KIF13B: variants seen among roughly 807,000 people sequenced by gnomAD.
The protein encoded by KIF13B is kinesin-like protein KIF13B.
KIF13B carries 127 observed loss-of-function variants against 222.0 expected under a neutral mutation model. The ratio of observed to expected loss-of-function variants is 0.57; its 90% CI spans 0.50 to 0.66. The LOEUF (loss-of-function observed/expected upper bound fraction) is 0.66. Among genes scored for constraint, KIF13B ranks in the 30% least tolerant of loss-of-function variants. The pLI, the probability that KIF13B is intolerant of heterozygous loss-of-function variation, is 0.00. For missense variants in KIF13B, 2,173 were observed against 2,379.0 expected (o/e 0.91, Z 1.80); for synonymous variants, 976 against 919.0 (o/e 1.06, Z -1.12).
chr8:29,227,425 G>C (rs998120059), intron 2 of KIF13B, among the ~76,000 whole-genome samples: 1 of 152,086 alleles, frequency 6.6e-6, no homozygotes, highest in African/African-American at 2.4e-5. Context: ...AAGTACTTGG[G>C]ATTACAGGTG....
At chr8:29,123,965 G>A (rs1316288361) in intron 27 of KIF13B, 59 bp downstream of exon 27, 1 of 1,040,000 alleles carries the variant, frequency 9.6e-7, no homozygotes, top group African/African-American at 1.6e-5. Flanking sequence ...TACAAAGGGA[G>A]AATAATTAAT....
chr8:29,156,365 C>T (rs1011404459), intron 13 of KIF13B, among the ~76,000 whole-genome samples: 2 of 152,122 alleles, frequency 1.3e-5, no homozygotes, highest in African/African-American at 4.8e-5. Flanking sequence ...TTGGTTGACC[C>T]TGACCTAGAC....
At position 29,186,608 on chromosome 8, in the gene KIF13B, A is replaced by G. The variant is rs17059753; in HGVS notation, c.317-136T>C. The G allele has an allele frequency of 3.8e-3, 2,434 of 645,162 alleles. 43 individuals are homozygous for G. The African/African-American group carries it at 0.039, about 10-fold the overall frequency. 40.0% of individuals were successfully genotyped at this position (645,162 alleles called of 1,614,324 possible). A position where few individuals can be genotyped will look rare whatever the true frequency, so the allele number is the denominator to read the frequency against. ...AATACACCCAAATATAATGAGAATA[A>G]TAAGTACAGAAGCTTTTTTACTGCA... is the stretch of plus-strand genomic sequence containing the variant. On this transcript the variant is annotated intron_variant, in intron 5 of 39. Transcript: ENST00000524189.
intron 26 of KIF13B, among the ~76,000 whole-genome samples, chr8:29,124,883 CA>C (rs35910865): frequency 0.23 from 29,443 of 125,616 alleles, 2,964 homozygotes; most frequent in Admixed American, 0.33. Flanking sequence ...AACTCCATCC[CA>C]AAAAAAAAAA....
intron 37 of KIF13B, among the ~76,000 whole-genome samples, chr8:29,087,360 T>C (rs200173089): frequency 1.3e-5 from 2 of 152,166 alleles, no homozygotes; most frequent in East Asian, 3.8e-4. Flanking sequence ...GCTTTAGAAG[T>C]GTGTGGACAG....
chr8:29,222,008 T>A (rs762409961), intron 2 of KIF13B, among the ~76,000 whole-genome samples: 9 of 152,170 alleles, frequency 5.9e-5, no homozygotes, highest in Non-Finnish European at 1.2e-4. Context: ...TTTGTTCTAA[T>A]ATAAATTCTT....
At chr8:29,074,527 T>C (rs958270521) in intron 38 of KIF13B, among the ~76,000 whole-genome samples, 2 of 152,230 alleles carry the variant, frequency 1.3e-5, no homozygotes, top group Non-Finnish European at 2.9e-5. Flanking sequence ...CATGATGAGC[T>C]ACAGAAGCTG....
chr8:29,083,455 C>T (rs1034539344), intron 37 of KIF13B, among the ~76,000 whole-genome samples: 3 of 152,202 alleles, frequency 2.0e-5, no homozygotes, highest in African/African-American at 7.2e-5. Flanking sequence ...CTAGCAGATG[C>T]ACCTCTTCAA....
At chr8:29,076,439 C>T (rs1419298844) in intron 37 of KIF13B, among the ~76,000 whole-genome samples, 1 of 152,254 alleles carries the variant, frequency 6.6e-6, no homozygotes, top group Non-Finnish European at 1.5e-5. Flanking sequence ...CAGCCCTCGG[C>T]AGTCCTGGTG....
At chr8:29,089,422 T>C (rs1358814006) in intron 37 of KIF13B, among the ~76,000 whole-genome samples, 1 of 151,586 alleles carries the variant, frequency 6.6e-6, no homozygotes, top group Non-Finnish European at 1.5e-5. Flanking sequence ...CTGGGCGACA[T>C]ACCAAGACCC....
intron 6 of KIF13B, among the ~76,000 whole-genome samples, chr8:29,184,698 G>T (rs1812857085): frequency 6.6e-6 from 1 of 152,130 alleles, no homozygotes; most frequent in Non-Finnish European, 1.5e-5. Flanking sequence ...CTGTACATGT[G>T]CAGATAAGTT....
intron 2 of KIF13B, among the ~76,000 whole-genome samples, chr8:29,237,236 C>T (rs959037480): frequency 6.6e-6 from 1 of 151,164 alleles, no homozygotes. Flanking sequence ...CAGATTGAGA[C>T]AAAGAGCGCT....
intron 19 of KIF13B, among the ~76,000 whole-genome samples, chr8:29,141,729 G>A (rs780011223): frequency 3.3e-5 from 5 of 152,196 alleles, no homozygotes; most frequent in African/African-American, 7.2e-5. Flanking sequence ...GCTCCTTGGA[G>A]TGTAAATATT....
intron 21 of KIF13B, among the ~76,000 whole-genome samples, chr8:29,137,586 G>A (rs1488126033): frequency 1.3e-5 from 2 of 152,188 alleles, no homozygotes; most frequent in East Asian, 1.9e-4. Context: ...CACTCACCAC[G>A]CATGACATCT....
At position 29,214,507 on chromosome 8, in the gene KIF13B, C is replaced by T. The variant is rs7818724; in HGVS notation, c.150-18308G>A. On this transcript the variant is annotated intron_variant, in intron 2 of 39. Transcript: ENST00000524189. ...ACTGGAAGGTCTTCAGGGGCAGTAA[C>T]AGGCATGGAGCTGTCATCTCCTGTG... Among the ~76,000 whole-genome samples the T allele has an allele frequency of 8.7e-3, 1,319 of 152,308 alleles. 19 individuals carry two copies. Among genetic ancestry groups the T allele is most frequent in the African/African-American group, 0.026 (1,100 of 41,564 alleles).
At chr8:29,086,694 G>A (rs1563688404) in intron 37 of KIF13B, among the ~76,000 whole-genome samples, 2 of 152,144 alleles carry the variant, frequency 1.3e-5, no homozygotes, top group Non-Finnish European at 2.9e-5. Context: ...ACCCTTAAGC[G>A]ATGTTGACTA....
At chr8:29,240,812 C>T (rs554499346) in intron 2 of KIF13B, among the ~76,000 whole-genome samples, 1 of 152,276 alleles carries the variant, frequency 6.6e-6, no homozygotes, top group South Asian at 2.1e-4. Flanking sequence ...ATTTTCTTTA[C>T]AGTAGATGAG....
At chr8:29,225,744 T>C (rs981794323) in intron 2 of KIF13B, among the ~76,000 whole-genome samples, 9 of 152,224 alleles carry the variant, frequency 5.9e-5, no homozygotes, top group Admixed American at 2.0e-4. Context: ...CAGGATTTTA[T>C]TGTAATCACC....
intron 31 of KIF13B, among the ~76,000 whole-genome samples, chr8:29,114,873 T>C (rs1228542060): frequency 6.6e-6 from 1 of 152,192 alleles, no homozygotes. Context: ...GCAACCAGGA[T>C]GTCTAATTCC....
Sources: allele counts gnomAD v4.1 joint callset (sites outside exome capture counted in the v4.1 genomes callset), GRCh38; gene constraint gnomAD v4.1.1; transcripts MANE v1.5; gene names NCBI Gene and HGNC (gene_info 2026-07-23, HGNC 2026-07-21).